PLEK2: variants seen among roughly 807,000 people sequenced by gnomAD.
PLEK2 encodes pleckstrin 2, also known as pleckstrin-2.
Under a neutral mutation model 43.8 loss-of-function variants are expected in PLEK2, and 29 were observed. The observed-to-expected ratio is 0.66, with a 90% CI of 0.49 to 0.90. The LOEUF (loss-of-function observed/expected upper bound fraction) is 0.90, where lower values mean the gene tolerates loss of function less well. Among genes scored for constraint, PLEK2 ranks in the 40% least tolerant of loss-of-function variants. The pLI, the probability that PLEK2 is intolerant of heterozygous loss-of-function variation, is 0.00. For synonymous variants in PLEK2, 162 were observed against 173.2 expected (o/e 0.94, Z 0.51); for missense variants, 398 against 448.1 (o/e 0.89, Z 1.01).
rs896420692 is a variant in PLEK2, at chr14:67,390,741, G to C, written c.777C>G (p.His259Gln). ...GACGCACCTTCCAGTTTTTCCTCTT[G>C]TGTCCCTGAGGCAAAGAAATGGTTC... ...VKQGYLAKQG[H>Q]KRKNWKVRRF... is the part of the protein sequence containing the mutation. Residue 259 changes from histidine to glutamine, a missense_variant, in exon 7 of 9, where the codon CAC (histidine) becomes CAG (glutamine). Coordinates refer to ENST00000216446, the MANE Select transcript of PLEK2 (RefSeq NM_016445.3). 1 of 1,610,110 alleles carries C rather than the reference G, an allele frequency of 6.2e-7. No homozygotes were observed. The highest frequency in any genetic ancestry group is 1.3e-5 in the African/African-American group (1 of 74,842).
At chr14:67,410,522 C>T (rs1013592751) in intron 1 of PLEK2, among the ~76,000 whole-genome samples, 17 of 152,158 alleles carry the variant, frequency 1.1e-4, no homozygotes, top group Non-Finnish European at 2.5e-4. Flanking sequence ...GTGGGCGTGG[C>T]GCTTTGTACT....
intron 6 of PLEK2, among the ~76,000 whole-genome samples, chr14:67,391,298 T>TGC (rs2085966146): frequency 6.6e-6 from 1 of 151,298 alleles, no homozygotes; most frequent in Non-Finnish European, 1.5e-5. Context: ...TGTGTGTGTG[T>TGC]GTGTGTGACT....
At chr14:67,392,213 G>T in intron 6 of PLEK2, 113 bp downstream of exon 6, 1 of 744,110 alleles carries the variant, frequency 1.3e-6, no homozygotes, top group South Asian at 1.5e-5. Context: ...CGTAGATTTT[G>T]CTGTAATTGG....
At chr14:67,398,930 C>T (rs1035101838) in intron 1 of PLEK2, among the ~76,000 whole-genome samples, 4 of 152,194 alleles carry the variant, frequency 2.6e-5, no homozygotes, top group South Asian at 2.1e-4. Context: ...TTTTTAATGA[C>T]GATTATGTGG....
In PLEK2 at chr14:67,392,636, C is replaced by G. The variant is rs746500054; in HGVS notation, c.669+26G>C. 23 of 1,592,970 alleles carry G rather than the reference C, an allele frequency of 1.4e-5. No homozygotes were observed. The African/African-American group carries it at 2.7e-4, about 19-fold the overall frequency. On this transcript the variant is annotated intron_variant, in intron 5 of 8. Transcript: ENST00000216446. ...TCTTCCTTAACTTTTGCCCTGGTGGCAAGAAGAACCCACTCCCCAACTTAC... is the reference window on the plus strand; with the variant it reads ...TCTTCCTTAACTTTTGCCCTGGTGGGAAGAAGAACCCACTCCCCAACTTAC...
chr14:67,403,839 C>A (rs1262141490), intron 1 of PLEK2, among the ~76,000 whole-genome samples: 1 of 152,088 alleles, frequency 6.6e-6, no homozygotes, highest in East Asian at 1.9e-4. Context: ...ATCTCCTGAG[C>A]CCAGGAGTTC....
rs572703950 is a variant in PLEK2, at chr14:67,405,828, A to G, written c.42+6190T>C. 3.3e-5 allele frequency among the ~76,000 whole-genome samples: 5 copies of G among 152,202 alleles called. No homozygotes were observed. The South Asian group carries it at 8.3e-4, about 25-fold the overall frequency. On this transcript the variant is annotated intron_variant, in intron 1 of 8. Coordinates refer to ENST00000216446, the MANE Select transcript of PLEK2 (RefSeq NM_016445.3). ...GCCATGTAGGTGAGCTCAGAATTGG[A>G]CCCTACAGCCAGTCAAGCCTTCAGG...
At chr14:67,391,269 A>ATTG (rs145218491) in intron 6 of PLEK2, among the ~76,000 whole-genome samples, 1 of 139,568 alleles carries the variant, frequency 7.2e-6, no homozygotes, top group African/African-American at 2.9e-5. Flanking sequence ...TAAGCAGCTG[A>ATTG]TATGTGTGTG....
intron 1 of PLEK2, among the ~76,000 whole-genome samples, chr14:67,402,223 G>A (rs1297902015): frequency 2.0e-5 from 3 of 152,124 alleles, no homozygotes; most frequent in Non-Finnish European, 4.4e-5. Flanking sequence ...TCCACTTAAG[G>A]AAGTTTCTGT....
intron 1 of PLEK2, among the ~76,000 whole-genome samples, chr14:67,409,184 A>T (rs1246951346): frequency 6.6e-6 from 1 of 152,080 alleles, no homozygotes; most frequent in African/African-American, 2.4e-5. Flanking sequence ...TCAAGGCTGC[A>T]GTGAGCCTTG....
chr14:67,388,490 C>T (rs1233825001), intron 7 of PLEK2, among the ~76,000 whole-genome samples, 188 bp from the exon 8 acceptor site: 1 of 152,176 alleles, frequency 6.6e-6, no homozygotes, highest in Non-Finnish European at 1.5e-5. Flanking sequence ...CTCTTCATTT[C>T]ACAGCCAGCA....
chr14:67,401,379 G>A (rs2086047843), intron 1 of PLEK2, among the ~76,000 whole-genome samples: 1 of 152,122 alleles, frequency 6.6e-6, no homozygotes, highest in Non-Finnish European at 1.5e-5. Context: ...AGGCGTGGTG[G>A]CACGTGCCTG....
intron 7 of PLEK2, among the ~76,000 whole-genome samples, chr14:67,389,330 CAGGAGAGTCCTGTCCTGGAT>C (rs2085950603): frequency 6.6e-6 from 1 of 152,036 alleles, no homozygotes; most frequent in Admixed American, 6.5e-5. Context: ...TCAGGGAGGA[CAGGAGAGTCCTGTCCTGGAT>C]AGGAGAGTAG....
At chr14:67,387,826 T>C (rs577885237) in intron 8 of PLEK2, among the ~76,000 whole-genome samples, 1 of 152,366 alleles carries the variant, frequency 6.6e-6, no homozygotes, top group South Asian at 2.1e-4. Context: ...GTTTAACTTA[T>C]TGGAACCCCA....
chr14:67,388,796 C>T (rs1199796602), intron 7 of PLEK2, among the ~76,000 whole-genome samples: 1 of 152,152 alleles, frequency 6.6e-6, no homozygotes, highest in Non-Finnish European at 1.5e-5. Context: ...TCTCCTGCCT[C>T]AGTCTCCCGA....
chr14:67,388,183 G>T (rs1566621671), intron 8 of PLEK2, 41 bp downstream of exon 8: 13 of 1,285,126 alleles, frequency 1.0e-5, no homozygotes, highest in African/African-American at 1.5e-5. Context: ...CAGGAGGGAG[G>T]CCCCTGAGAT....
At chr14:67,401,551 T>C (rs1238369278) in intron 1 of PLEK2, among the ~76,000 whole-genome samples, 2 of 151,168 alleles carry the variant, frequency 1.3e-5, no homozygotes, top group Admixed American at 6.6e-5. Flanking sequence ...GAAGAGGAGA[T>C]TTGGACACAC....
In PLEK2 at chr14:67,393,239, C is replaced by G; in HGVS notation, c.392G>C (p.Arg131Pro). 1 of 1,611,168 alleles carries G rather than the reference C, an allele frequency of 6.2e-7. No homozygotes were observed. Among genetic ancestry groups the G allele is most frequent in the Non-Finnish European group, 8.5e-7 (1 of 1,177,334 alleles). Residue 131 changes from arginine to proline, a missense_variant and splice_region_variant, in exon 4 of 9, where the codon CGC becomes CCC. Arg to Pro is a moderately radical substitution (Grantham distance 103). Coordinates refer to ENST00000216446, the MANE Select transcript of PLEK2 (RefSeq NM_016445.3). ...GCTATCGTGCATCTTGTCCACAATG[C>G]GACTACATGGAAGGGAAGGCAAAGG... ...FKLPPHISLH[R>P]IVDKMHDSNT...
chr14:67,401,581 C>T (rs2086049331), intron 1 of PLEK2, among the ~76,000 whole-genome samples: 1 of 151,990 alleles, frequency 6.6e-6, no homozygotes. Context: ...AGAGGAAAGA[C>T]CACTCAGGAC....
Sources: gnomAD v4.1 joint callset for allele counts (sites outside exome capture counted in the v4.1 genomes callset) on GRCh38, gnomAD v4.1.1 for gene constraint, MANE v1.5 for transcripts, NCBI Gene and HGNC (gene_info 2026-07-23, HGNC 2026-07-21) for gene names.